The following MBNL1 variants were observed in gnomAD, a reference collection of about 807,000 sequenced individuals.
MBNL1 encodes the protein muscleblind-like protein 1.
Under a neutral mutation model 42.2 loss-of-function variants are expected in MBNL1, and 8 were observed. That is an observed-to-expected ratio of 0.19 (90% CI 0.11 to 0.34). The LOEUF is 0.34. Ranked by LOEUF, MBNL1 falls within the 10% of genes least tolerant of loss-of-function variation. MBNL1 has a pLI of 1.00. For synonymous variants in MBNL1, 169 were observed against 173.9 expected (o/e 0.97, Z 0.22); for missense variants, 309 against 495.3 (o/e 0.62, Z 3.57).
At chr3:152,340,987 T>A in intron 2 of MBNL1, 1 of 1,467,496 alleles carries the variant, frequency 6.8e-7, no homozygotes, top group Non-Finnish European at 9.1e-7. Flanking sequence ...GGTAAATTGA[T>A]GAGGGGACAC....
At chr3:152,329,134 A>G (rs918435418) in intron 2 of MBNL1, among the ~76,000 whole-genome samples, 2 of 152,104 alleles carry the variant, frequency 1.3e-5, no homozygotes, top group African/African-American at 2.4e-5. Flanking sequence ...GTGGAACTGG[A>G]AGTGCTAGGG....
chr3:152,248,553 G>A (rs1200866613), intron 2 of MBNL1, among the ~76,000 whole-genome samples: 1 of 150,054 alleles, frequency 6.7e-6, no homozygotes, highest in African/African-American at 2.5e-5. Context: ...ACATAACAAG[G>A]GCTTTCAGTC....
intron 2 of MBNL1, among the ~76,000 whole-genome samples, chr3:152,310,976 T>C (rs752794920): frequency 1.1e-4 from 16 of 151,712 alleles, no homozygotes; most frequent in Non-Finnish European, 1.6e-4. Flanking sequence ...TAACTGTTAT[T>C]TTTCTAATGC....
intron 2 of MBNL1, among the ~76,000 whole-genome samples, chr3:152,245,287 AT>A (rs535490209): frequency 9.9e-4 from 150 of 152,274 alleles, no homozygotes; most frequent in African/African-American, 3.6e-3. Flanking sequence ...TAATATAGCA[AT>A]TTTTAAATCT....
intron 2 of MBNL1, among the ~76,000 whole-genome samples, chr3:152,261,479 G>A (rs1342308162): frequency 6.6e-6 from 1 of 152,192 alleles, no homozygotes; most frequent in East Asian, 1.9e-4. Context: ...GTTCATTAGG[G>A]TTAACAAGCT....
intron 1 of MBNL1, among the ~76,000 whole-genome samples, chr3:152,286,900 A>G (rs1326372851): frequency 6.6e-6 from 1 of 152,176 alleles, no homozygotes; most frequent in East Asian, 1.9e-4. Context: ...GAACTAAAAC[A>G]TAAATGGTTT....
intron 1 of MBNL1, among the ~76,000 whole-genome samples, chr3:152,280,475 A>G (rs1336034228): frequency 3.9e-5 from 6 of 152,166 alleles, no homozygotes; most frequent in Non-Finnish European, 7.4e-5. Flanking sequence ...ACTAGACAGA[A>G]GAAATTAATT....
chr3:152,346,500 T>TCTTA (rs1201547437), intron 2 of MBNL1, among the ~76,000 whole-genome samples: 2 of 152,144 alleles, frequency 1.3e-5, no homozygotes, highest in African/African-American at 4.8e-5. Flanking sequence ...TAAGTTATTA[T>TCTTA]CTTACAGAAT....
chr3:152,260,258 A>G (rs2036032880), intron 2 of MBNL1, among the ~76,000 whole-genome samples: 1 of 152,314 alleles, frequency 6.6e-6, no homozygotes, highest in South Asian at 2.1e-4. Flanking sequence ...GGAGGGCTCG[A>G]TGGAATCAGG....
intron 2 of MBNL1, among the ~76,000 whole-genome samples, chr3:152,344,956 A>G (rs1281316915): frequency 6.6e-6 from 1 of 152,132 alleles, no homozygotes; most frequent in African/African-American, 2.4e-5. Context: ...TAGAGTAGAA[A>G]TTACGTGACA....
intron 2 of MBNL1, among the ~76,000 whole-genome samples, chr3:152,399,851 A>G (rs180879903): frequency 2.0e-5 from 3 of 152,168 alleles, no homozygotes; most frequent in Admixed American, 2.0e-4. Flanking sequence ...CACATTATCT[A>G]TTTTCATTTT....
intron 2 of MBNL1, among the ~76,000 whole-genome samples, chr3:152,361,356 T>G (rs1448908646): frequency 3.7e-4 from 56 of 151,612 alleles, no homozygotes. Context: ...AGGCAGATCT[T>G]TCTGTGTAGT....
At chr3:152,422,166 G>A (rs1009269652) in intron 3 of MBNL1, among the ~76,000 whole-genome samples, 1 of 151,056 alleles carries the variant, frequency 6.6e-6, no homozygotes, top group African/African-American at 2.4e-5. Flanking sequence ...ACCCATCAGT[G>A]TGCTGTATTC....
At chr3:152,335,126 T>C in intron 2 of MBNL1, 1 of 1,288,688 alleles carries the variant, frequency 7.8e-7, no homozygotes, top group Non-Finnish European at 1.0e-6. Context: ...ACTCAGGAAA[T>C]GTTGTTTAAG....
rs1250453023 is a variant in MBNL1 at position 152,465,104 on chromosome 3, A to G, written c.*2738A>G. 1.3e-5 allele frequency: 2 copies of G among 152,488 alleles called. No homozygotes were observed. The highest frequency in any genetic ancestry group is 2.9e-5 in the Non-Finnish European group (2 of 68,044). The allele number at this position is 152,488 out of a possible 1,614,324, so 9.4% of individuals were successfully genotyped here. On this transcript the variant is annotated 3_prime_UTR_variant, in exon 10 of 10. Coordinates refer to ENST00000324210, the MANE Select transcript of MBNL1 (RefSeq NM_021038.5). ...TCCATGGGGCCAAATCTGCCTGAAG[A>G]TCATTACCAAAAATAGCAGGTACTT...
intron 2 of MBNL1, among the ~76,000 whole-genome samples, chr3:152,349,529 C>G (rs1468904887): frequency 6.6e-6 from 1 of 151,938 alleles, no homozygotes. Flanking sequence ...CTGAGTTGCA[C>G]TATAAAAAAT....
intron 2 of MBNL1, among the ~76,000 whole-genome samples, chr3:152,373,038 T>C (rs2153273032): frequency 6.6e-6 from 1 of 152,288 alleles, no homozygotes; most frequent in Middle Eastern, 3.4e-3. Flanking sequence ...CTATGGCAGC[T>C]TTGCAGAGCT....
At chr3:152,295,168 G>A (rs2058059317) in intron 1 of MBNL1, among the ~76,000 whole-genome samples, 1 of 152,092 alleles carries the variant, frequency 6.6e-6, no homozygotes, top group Non-Finnish European at 1.5e-5. Context: ...ACAAATCTAT[G>A]TTGATAATGC....
chr3:152,314,762 C>T (rs1325180085), intron 2 of MBNL1, among the ~76,000 whole-genome samples: 1 of 152,176 alleles, frequency 6.6e-6, no homozygotes, highest in Non-Finnish European at 1.5e-5. Flanking sequence ...GTACTTTTTC[C>T]AGCAAGTGTA....
Sources: gnomAD v4.1 joint callset for allele counts (sites outside exome capture counted in the v4.1 genomes callset) on GRCh38, gnomAD v4.1.1 for gene constraint, MANE v1.5 for transcripts, NCBI Gene and HGNC (gene_info 2026-07-23, HGNC 2026-07-21) for gene names.